DRD3: variants seen among roughly 807,000 people sequenced by gnomAD.
DRD3 encodes dopamine receptor D3.
Under a neutral mutation model 36.3 loss-of-function variants are expected in DRD3, and 19 were observed. The observed-to-expected ratio is 0.52, with a 90% CI of 0.36 to 0.77. The LOEUF (loss-of-function observed/expected upper bound fraction) is 0.77. DRD3 is among the 30% of genes least tolerant of loss of function. The pLI, the probability that DRD3 is intolerant of heterozygous loss-of-function variation, is 0.00. For missense variants in DRD3, 465 were observed against 505.3 expected (o/e 0.92, Z 0.77); for synonymous variants, 195 against 203.7 (o/e 0.96, Z 0.36).
intron 2 of DRD3, among the ~76,000 whole-genome samples, chr3:114,164,783 C>T (rs537010117): frequency 2.0e-5 from 3 of 152,334 alleles, no homozygotes; most frequent in South Asian, 2.1e-4. Flanking sequence ...GATGGAGTCT[C>T]GCGCTGTCGC....
At chr3:114,141,872 A>G (rs1228763990) in intron 4 of DRD3, among the ~76,000 whole-genome samples, 1 of 151,998 alleles carries the variant, frequency 6.6e-6, no homozygotes, top group Non-Finnish European at 1.5e-5. Flanking sequence ...CAACATGGTG[A>G]AACCACGTCT....
chr3:114,145,270 A>G (rs561278247), intron 4 of DRD3, among the ~76,000 whole-genome samples: 1 of 152,358 alleles, frequency 6.6e-6, no homozygotes, highest in East Asian at 1.9e-4. Context: ...TAGTTATCAG[A>G]CTAACTCATA....
chr3:114,191,776 G>A (rs2078011989), intron 1 of DRD3, among the ~76,000 whole-genome samples: 1 of 152,132 alleles, frequency 6.6e-6, no homozygotes, highest in Admixed American at 6.5e-5. Context: ...GGGACATGAG[G>A]GAAAGGGAGC....
Position 114,128,694 on chromosome 3 carries a change from G to A in DRD3, c.*22C>T. On this transcript the variant is annotated 3_prime_UTR_variant, in exon 7 of 7. Transcript: ENST00000383673. Reference sequence around the variant, plus strand: ...CCTGGCAGCTAGAAATGGGTACAAAGAGTGTTCCCTCTTCTGCTCCCTCAG... The same window carrying A: ...CCTGGCAGCTAGAAATGGGTACAAAAAGTGTTCCCTCTTCTGCTCCCTCAG... The A allele has an allele frequency of 1.3e-6, 2 of 1,566,934 alleles. No individual in the cohort carries two copies. Among genetic ancestry groups the A allele is most frequent in the South Asian group, 2.4e-5 (2 of 82,868 alleles).
At chr3:114,196,293 T>A (rs1051287474) in intron 1 of DRD3, among the ~76,000 whole-genome samples, 9 of 152,184 alleles carry the variant, frequency 5.9e-5, no homozygotes, top group African/African-American at 1.9e-4. Flanking sequence ...TGCTTCTTTT[T>A]ATTTTACTTT....
intron 2 of DRD3, among the ~76,000 whole-genome samples, chr3:114,161,256 T>A (rs1027601957): frequency 6.6e-6 from 1 of 152,204 alleles, no homozygotes; most frequent in East Asian, 1.9e-4. Flanking sequence ...GAGTGAAAAA[T>A]GGTACAGTAG....
In DRD3 at chr3:114,141,399, T is replaced by G. The variant is rs558333413; in HGVS notation, c.527-1703A>C. On this transcript the variant is annotated intron_variant, in intron 4 of 6. Coordinates refer to ENST00000383673, the MANE Select transcript of DRD3 (RefSeq NM_000796.6). ...TGTTAAAAGAAAAAGCCTAGAAATA[T>G]TGTATAGTAGTTGTGAGAATTAATG... 2.6e-5 allele frequency among the ~76,000 whole-genome samples: 4 copies of G among 152,316 alleles called. No homozygotes were observed. In the East Asian group the frequency reaches 5.8e-4, roughly 22 times the overall value.
At chr3:114,137,586 C>T (rs2077485237) in intron 5 of DRD3, among the ~76,000 whole-genome samples, 1 of 152,146 alleles carries the variant, frequency 6.6e-6, no homozygotes, top group Non-Finnish European at 1.5e-5. Flanking sequence ...GGCACTTATG[C>T]CTGTAATCCC....
chr3:114,164,220 C>CAAAAAAAAAAA lies in DRD3; in HGVS notation c.271-4364_271-4354dup, dbSNP rs34500434. Among the ~76,000 whole-genome samples the CAAAAAAAAAAA allele has an allele frequency of 9.4e-3, 166 of 17,746 alleles. 8 individuals are homozygous for CAAAAAAAAAAA. Among genetic ancestry groups the CAAAAAAAAAAA allele is most frequent in the Admixed American group, 0.019 (13 of 694 alleles). 11.6% of individuals were successfully genotyped at this position (17,746 alleles called of 152,430 possible). A position where few individuals can be genotyped will look rare whatever the true frequency, so the allele number is the denominator to read the frequency against. On this transcript the variant is annotated intron_variant, in intron 2 of 6. Transcript: ENST00000383673. ...TGGGTGATAGAGCGAGCCTCAGTCT[C>CAAAAAAAAAAA]AAAAAAAAAAAAAAAAAAAAAAAAA...
At chr3:114,143,604 A>G (rs922669358) in intron 4 of DRD3, among the ~76,000 whole-genome samples, 1 of 152,116 alleles carries the variant, frequency 6.6e-6, no homozygotes, top group Non-Finnish European at 1.5e-5. Flanking sequence ...GTGCCAATGA[A>G]TCTGATTTTA....
At chr3:114,136,667 T>C (rs1375865225) in intron 5 of DRD3, among the ~76,000 whole-genome samples, 1 of 152,220 alleles carries the variant, frequency 6.6e-6, no homozygotes, top group African/African-American at 2.4e-5. Flanking sequence ...TCATTAACTA[T>C]ACTGAGATTG....
chr3:114,184,686 C>A (rs2077966004), intron 1 of DRD3, among the ~76,000 whole-genome samples: 1 of 140,274 alleles, frequency 7.1e-6, no homozygotes, highest in South Asian at 2.2e-4. Flanking sequence ...CTTCAGTCCC[C>A]CAAGTAGCTG....
At chr3:114,155,065 T>C (rs1451406883) in intron 3 of DRD3, among the ~76,000 whole-genome samples, 1 of 152,212 alleles carries the variant, frequency 6.6e-6, no homozygotes, top group Non-Finnish European at 1.5e-5. Context: ...TTCTTTCATA[T>C]CTCTTTCCAC....
chr3:114,191,498 T>C (rs2078010515), intron 1 of DRD3, among the ~76,000 whole-genome samples: 1 of 152,198 alleles, frequency 6.6e-6, no homozygotes, highest in South Asian at 2.1e-4. Context: ...GGAGAGAAGA[T>C]GCCAGATGGT....
intron 6 of DRD3, among the ~76,000 whole-genome samples, chr3:114,130,870 G>A (rs2077423340): frequency 6.6e-6 from 1 of 152,144 alleles, no homozygotes; most frequent in South Asian, 2.1e-4. Flanking sequence ...CTTATTGTTT[G>A]ATTTATGTGT....
At chr3:114,147,590 G>A in intron 3 of DRD3, 33 bp from the exon 4 acceptor site, 1 of 1,594,216 alleles carries the variant, frequency 6.3e-7, no homozygotes, top group Admixed American at 1.7e-5. Flanking sequence ...GATAGGCATG[G>A]TGAGATGGAA....
intron 1 of DRD3, among the ~76,000 whole-genome samples, chr3:114,190,962 G>A (rs563202541): frequency 1.3e-5 from 2 of 152,252 alleles, no homozygotes; most frequent in East Asian, 1.9e-4. Flanking sequence ...GCCTTATAGG[G>A]TATGGGAGTT....
intron 2 of DRD3, among the ~76,000 whole-genome samples, chr3:114,169,692 A>G (rs1434068919): frequency 2.0e-5 from 3 of 152,112 alleles, no homozygotes; most frequent in Non-Finnish European, 2.9e-5. Flanking sequence ...GTCATTTTCT[A>G]TAGTCTCACC....
intron 3 of DRD3, among the ~76,000 whole-genome samples, chr3:114,157,430 T>C (rs2077692464): frequency 6.6e-6 from 1 of 152,092 alleles, no homozygotes; most frequent in Non-Finnish European, 1.5e-5. Context: ...ATCACAATGA[T>C]CCTCTTTTCC....
Sources: gnomAD v4.1 joint callset for allele counts (sites outside exome capture counted in the v4.1 genomes callset) on GRCh38, gnomAD v4.1.1 for gene constraint, MANE v1.5 for transcripts, NCBI Gene and HGNC (gene_info 2026-07-23, HGNC 2026-07-21) for gene names.